CTNNA2: variants seen among roughly 807,000 people sequenced by gnomAD.
CTNNA2 encodes catenin alpha-2.
A neutral mutation model predicts 101.0 loss-of-function variants in CTNNA2; 42 were observed. That is an observed-to-expected ratio of 0.42 (90% confidence interval 0.32 to 0.54). CTNNA2 has a LOEUF of 0.54. CTNNA2 is among the 20% of genes least tolerant of loss of function. The pLI is 0.14. For missense variants in CTNNA2, 871 were observed against 1,223.1 expected (o/e 0.71, Z 4.29); for synonymous variants, 450 against 456.4 (o/e 0.99, Z 0.18).
chr2:79,882,094 G>T (rs2104124765), intron 6 of CTNNA2, among the ~76,000 whole-genome samples: 1 of 151,992 alleles, frequency 6.6e-6, no homozygotes, highest in African/African-American at 2.4e-5. Flanking sequence ...TTAAATTCTG[G>T]GTTGAAAATT....
In CTNNA2 at chr2:80,245,822, T is replaced by TTTG. The variant is rs1558937542; in HGVS notation, c.1057-147388_1057-147387insTGT. 4.9e-4 allele frequency among the ~76,000 whole-genome samples: 66 copies of TTTG among 135,548 alleles called. 2 individuals carry two copies. Among genetic ancestry groups the TTTG allele is most frequent in the African/African-American group, 1.8e-3 (64 of 34,726 alleles). The allele number at this position is 135,548 out of a possible 152,430, so 88.9% of individuals were successfully genotyped here. A position where few individuals can be genotyped will look rare whatever the true frequency, so the allele number is the denominator to read the frequency against. On this transcript the variant is annotated intron_variant, in intron 7 of 18. Coordinates refer to ENST00000402739, the MANE Select transcript of CTNNA2 (RefSeq NM_001282597.3). ...TTTTTTTTTTTTTTTTTTTTTTTTT[T>TTTG]TGCACTCTGTAGCCCAGGCTGGAGT...
At position 80,574,299 on chromosome 2, in the gene CTNNA2, T is replaced by C; in HGVS notation, c.1878T>C (p.Ala626=). The C allele has an allele frequency of 6.2e-7, 1 of 1,612,460 alleles. No homozygotes were observed. The highest frequency in any genetic ancestry group is 8.5e-7 in the Non-Finnish European group (1 of 1,178,752). The part of the protein sequence containing the change: ...VYDGVRDIRK[A]VLMIRTPEEL... ...ATGGCGTTCGGGACATCAGAAAGGC[T>C]GTGCTGATGATCAGGGTATGTGAGG... The change falls in exon 13 of 19, where the codon GCT becomes GCC. Residue 626 remains alanine (A), a synonymous_variant. Transcript: ENST00000402739.
rs146053967 is a variant in CTNNA2, at chr2:80,118,590, C to T, written c.1056+208793C>T. Reference sequence around the variant, plus strand: ...GTGAAATTCATGGAAAATGCAATTACGTTCTAATTTACTCAGTGTCACTGG... The same window carrying T: ...GTGAAATTCATGGAAAATGCAATTATGTTCTAATTTACTCAGTGTCACTGG... On this transcript the variant is annotated intron_variant, in intron 7 of 18. Coordinates refer to ENST00000402739, the MANE Select transcript of CTNNA2 (RefSeq NM_001282597.3). Among the ~76,000 whole-genome samples, 502 of 152,284 alleles carry T rather than the reference C, an allele frequency of 3.3e-3. 2 individuals carry two copies. The highest frequency in any genetic ancestry group is 0.011 in the African/African-American group (471 of 41,550).
chr2:80,303,056 A>G lies in CTNNA2; in HGVS notation c.1057-90155A>G. On this transcript the variant is annotated intron_variant, in intron 7 of 18. Transcript: ENST00000402739. The surrounding 1 kb of genome is among the most constrained non-coding windows in gnomAD (Gnocchi z 7.7). ...CAAGTCCATTTTCTCCAGGTTCCAA[A>G]CCCAGTCCAGCGAGCTGACCACAAT... 3.1e-6 allele frequency: 5 copies of G among 1,613,532 alleles called. No homozygotes were observed. The highest frequency in any genetic ancestry group is 4.2e-6 in the Non-Finnish European group (5 of 1,179,948).
chr2:79,350,890 G>T (rs904850987), intron 3 of CTNNA2, among the ~76,000 whole-genome samples: 1 of 152,144 alleles, frequency 6.6e-6, no homozygotes, highest in Non-Finnish European at 1.5e-5. Context: ...GATGGTTAGC[G>T]ATGTGGGGCA....
intron 4 of CTNNA2, among the ~76,000 whole-genome samples, chr2:79,503,150 C>T (rs925858747): frequency 6.6e-6 from 1 of 152,128 alleles, no homozygotes; most frequent in African/African-American, 2.4e-5. Context: ...TTTTCTGCTT[C>T]CAGTGCCTCT....
intron 1 of CTNNA2, among the ~76,000 whole-genome samples, chr2:79,522,801 A>G (rs1672190818): frequency 2.0e-5 from 3 of 152,202 alleles, no homozygotes; most frequent in African/African-American, 7.2e-5. Flanking sequence ...GAGTAGAGAA[A>G]TATTTTGGCA....
At chr2:79,305,160 A>G (rs955204453) in intron 2 of CTNNA2, among the ~76,000 whole-genome samples, 1 of 152,088 alleles carries the variant, frequency 6.6e-6, no homozygotes, top group African/African-American at 2.4e-5. Context: ...TCAAGTGATT[A>G]TAAAACAAAA....
At chr2:79,732,138 G>A (rs1407326834) in intron 2 of CTNNA2, among the ~76,000 whole-genome samples, 1 of 151,982 alleles carries the variant, frequency 6.6e-6, no homozygotes, top group Admixed American at 6.6e-5. Context: ...TCTTTTTAGA[G>A]TCAGTAGTTG....
At chr2:79,990,332 G>A (rs1383152971) in intron 7 of CTNNA2, among the ~76,000 whole-genome samples, 1 of 152,068 alleles carries the variant, frequency 6.6e-6, no homozygotes, top group Non-Finnish European at 1.5e-5. Flanking sequence ...TAGGATAGAG[G>A]GGAAGAAAGG....
At chr2:80,592,058 A>C (rs1696561837) in intron 15 of CTNNA2, among the ~76,000 whole-genome samples, 1 of 152,192 alleles carries the variant, frequency 6.6e-6, no homozygotes, top group South Asian at 2.1e-4. Context: ...TGCAGATAGC[A>C]ACAGCTCAAG....
chr2:80,289,979 G>A (rs1553484585), intron 7 of CTNNA2, among the ~76,000 whole-genome samples: 1 of 152,100 alleles, frequency 6.6e-6, no homozygotes, highest in Non-Finnish European at 1.5e-5. Context: ...TGTGTGTGAG[G>A]GGCCAACCAC....
intron 7 of CTNNA2, among the ~76,000 whole-genome samples, chr2:80,261,679 A>G (rs1462714752): frequency 1.3e-5 from 2 of 152,198 alleles, no homozygotes; most frequent in Non-Finnish European, 2.9e-5. Flanking sequence ...TAAAGAGATC[A>G]CTTGTAGTAG....
At chr2:80,347,739 CT>C (rs1672878289) in intron 7 of CTNNA2, among the ~76,000 whole-genome samples, 1 of 151,988 alleles carries the variant, frequency 6.6e-6, no homozygotes, top group South Asian at 2.1e-4. Context: ...ACCCTAGAAG[CT>C]TTTTGGAAGG....
At chr2:80,030,691 C>G (rs943406417) in intron 7 of CTNNA2, 3 of 152,070 alleles carry the variant, frequency 2.0e-5, no homozygotes, top group African/African-American at 7.2e-5. Context: ...AAAATAACTT[C>G]CAGTATCATA....
At chr2:79,975,430 AGCAGAT>A (rs1479026985) in intron 7 of CTNNA2, among the ~76,000 whole-genome samples, 1 of 152,132 alleles carries the variant, frequency 6.6e-6, no homozygotes, top group Admixed American at 6.5e-5. Context: ...TCAATTTTGC[AGCAGAT>A]TCTTCAGCAG....
chr2:79,637,850 T>C (rs773148937), intron 1 of CTNNA2, among the ~76,000 whole-genome samples: 4 of 152,216 alleles, frequency 2.6e-5, no homozygotes, highest in Non-Finnish European at 4.4e-5. Context: ...TCCATTAACC[T>C]TGGAAAAGCA....
At chr2:79,350,332 A>G (rs1415590353) in intron 3 of CTNNA2, among the ~76,000 whole-genome samples, 2 of 151,924 alleles carry the variant, frequency 1.3e-5, no homozygotes, top group East Asian at 1.9e-4. Flanking sequence ...TTCCATCTTC[A>G]TGTCATTGTG....
chr2:80,455,419 A>G (rs1190847080), intron 9 of CTNNA2, among the ~76,000 whole-genome samples: 1 of 152,226 alleles, frequency 6.6e-6, no homozygotes, highest in Non-Finnish European at 1.5e-5. Flanking sequence ...TGAGGGAAAC[A>G]GAAGCAGATT....
Sources: gnomAD v4.1 joint callset for allele counts (sites outside exome capture counted in the v4.1 genomes callset) on GRCh38, gnomAD v4.1.1 for gene constraint, Gnocchi (gnomAD v3.1) non-coding constraint, MANE v1.5 for transcripts, NCBI Gene and HGNC (gene_info 2026-07-23, HGNC 2026-07-21) for gene names.